The following THSD7A variants were observed in gnomAD, a reference collection of about 807,000 sequenced individuals.
THSD7A encodes the protein thrombospondin type-1 domain-containing protein 7A.
A neutral mutation model predicts 231.3 loss-of-function variants in THSD7A; 96 were observed. The observed-to-expected ratio is 0.41, with a 90% CI of 0.35 to 0.49. The LOEUF (loss-of-function observed/expected upper bound fraction) is 0.49. THSD7A is among the 20% of genes least tolerant of loss of function. The pLI, the probability that THSD7A is intolerant of heterozygous loss-of-function variation, is 0.05. For missense variants in THSD7A, 2,290 were observed against 2,070.2 expected (o/e 1.11, Z -2.06); for synonymous variants, 940 against 743.3 (o/e 1.26, Z -4.30).
At chr7:11,493,295 G>C (rs1024002627) in intron 6 of THSD7A, among the ~76,000 whole-genome samples, 1 of 152,020 alleles carries the variant, frequency 6.6e-6, no homozygotes, top group Non-Finnish European at 1.5e-5. Context: ...TTTGGGATGG[G>C]CCAAGATGGA....
chr7:11,401,871 G>A lies in THSD7A; in HGVS notation c.4335C>T (p.Ser1445=), dbSNP rs1342653882. The A allele has an allele frequency of 8.7e-6, 14 of 1,613,724 alleles. No individual in the cohort carries two copies. The highest frequency in any genetic ancestry group is 1.3e-5 in the African/African-American group (1 of 74,866). The change falls in exon 23 of 28, where the codon TCC becomes TCT. Residue 1445 remains serine, a synonymous_variant. Coordinates refer to ENST00000423059, the MANE Select transcript of THSD7A (RefSeq NM_015204.3). ...CTAGTTCTTGTATAATCACCGGTCT[G>A]GATCTGACCTGTATTCCACCAAAGC... ...DLGFGGIQVR[S]RPVIIQELEN...
intron 1 of THSD7A, among the ~76,000 whole-genome samples, chr7:11,718,913 A>G (rs1562500806): frequency 6.6e-6 from 1 of 151,638 alleles, no homozygotes; most frequent in Non-Finnish European, 1.5e-5. Context: ...TACTGTTGAA[A>G]TAGGGACAAT....
At chr7:11,487,925 A>G (rs1196613140) in intron 6 of THSD7A, among the ~76,000 whole-genome samples, 1 of 149,336 alleles carries the variant, frequency 6.7e-6, no homozygotes, top group Admixed American at 6.7e-5. Context: ...CTCTTGAGTT[A>G]TCCTGATTTT....
At chr7:11,471,320 A>G (rs1399057063) in intron 8 of THSD7A, among the ~76,000 whole-genome samples, 1 of 151,984 alleles carries the variant, frequency 6.6e-6, no homozygotes, top group Non-Finnish European at 1.5e-5. Context: ...AAAATACTCT[A>G]TATAAGAGAA....
chr7:11,588,802 A>G (rs1169975762), intron 4 of THSD7A, among the ~76,000 whole-genome samples: 2 of 152,226 alleles, frequency 1.3e-5, no homozygotes, highest in African/African-American at 2.4e-5. Flanking sequence ...TAAGAGTGTT[A>G]AAATGCAGCC....
chr7:11,742,739 T>C (rs180842816), intron 1 of THSD7A, among the ~76,000 whole-genome samples: 1 of 152,060 alleles, frequency 6.6e-6, no homozygotes, highest in East Asian at 1.9e-4. Context: ...CAGTGATTTA[T>C]CACCTTCACA....
intron 1 of THSD7A, among the ~76,000 whole-genome samples, chr7:11,679,099 A>G (rs1479128522): frequency 6.6e-6 from 1 of 152,206 alleles, no homozygotes; most frequent in Non-Finnish European, 1.5e-5. Flanking sequence ...GACAAAAACC[A>G]CATGATTATC....
chr7:11,788,495 T>C (rs1041731923), intron 1 of THSD7A, among the ~76,000 whole-genome samples: 1 of 152,066 alleles, frequency 6.6e-6, no homozygotes, highest in Non-Finnish European at 1.5e-5. Flanking sequence ...ATCTTGAAAA[T>C]GTCTTCCTTT....
intron 2 of THSD7A, among the ~76,000 whole-genome samples, chr7:11,616,351 C>A (rs79283976): frequency 6.6e-6 from 1 of 152,082 alleles, no homozygotes; most frequent in African/African-American, 2.4e-5. Flanking sequence ...CATCTTTGAC[C>A]TCTTCCTGTG....
At chr7:11,423,639 G>A (rs1352352951) in intron 16 of THSD7A, among the ~76,000 whole-genome samples, 1 of 152,038 alleles carries the variant, frequency 6.6e-6, no homozygotes, top group Non-Finnish European at 1.5e-5. Flanking sequence ...AAAGTGGTTG[G>A]ATGTTTTTAT....
intron 11 of THSD7A, among the ~76,000 whole-genome samples, chr7:11,452,740 G>A (rs554198339): frequency 3.3e-5 from 5 of 151,952 alleles, no homozygotes; most frequent in Non-Finnish European, 5.9e-5. Context: ...AATGGCAAAT[G>A]TTAATAAGCA....
chr7:11,766,372 G>A (rs1206757097), intron 1 of THSD7A, among the ~76,000 whole-genome samples: 1 of 152,090 alleles, frequency 6.6e-6, no homozygotes. Context: ...CTAGAATTTT[G>A]CAAAATGTAG....
chr7:11,468,899 AT>A (rs1785820726), intron 9 of THSD7A, among the ~76,000 whole-genome samples: 1 of 152,122 alleles, frequency 6.6e-6, no homozygotes, highest in South Asian at 2.1e-4. Context: ...GTTTAATTTT[AT>A]TGGATATTTC....
rs1413662591 is a variant in THSD7A, at chr7:11,379,535, GA to G, written c.4590+94del. 70 of 1,224,182 alleles carry G rather than the reference GA, an allele frequency of 5.7e-5. 1 individual carries two copies. The East Asian group carries it at 1.7e-3, about 29-fold the overall frequency. 75.8% of individuals were successfully genotyped at this position (1,224,182 alleles called of 1,614,324 possible). ...CTAAAATGGGATTTTTATGCCTCAAGACATGCTTTCTTTGGAGGAAGATAAA... is the reference window on the plus strand; with the variant it reads ...CTAAAATGGGATTTTTATGCCTCAAGCATGCTTTCTTTGGAGGAAGATAAA... On this transcript the variant is annotated intron_variant, in intron 25 of 27. Transcript: ENST00000423059.
At chr7:11,478,358 T>C (rs1342647161) in intron 7 of THSD7A, among the ~76,000 whole-genome samples, 1 of 152,118 alleles carries the variant, frequency 6.6e-6, no homozygotes, top group Non-Finnish European at 1.5e-5. Context: ...ATACAACCCA[T>C]GTGCCCCCTG....
chr7:11,703,453 T>C (rs756976858), intron 1 of THSD7A, among the ~76,000 whole-genome samples: 22 of 151,206 alleles, frequency 1.5e-4, no homozygotes, highest in Admixed American at 2.6e-4. Flanking sequence ...ATAGATCCAA[T>C]GTCATAGCTT....
chr7:11,621,874 T>C (rs563651675), intron 2 of THSD7A, among the ~76,000 whole-genome samples: 94 of 152,320 alleles, frequency 6.2e-4, no homozygotes, highest in African/African-American at 2.1e-3. Context: ...CAGATTTGTA[T>C]CAGATTTGTT....
chr7:11,808,798 T>A (rs918276528), intron 1 of THSD7A, among the ~76,000 whole-genome samples: 2 of 152,076 alleles, frequency 1.3e-5, no homozygotes, highest in Non-Finnish European at 2.9e-5. Flanking sequence ...TTTTAAGGAA[T>A]GCACCATAAG....
chr7:11,518,197 T>C (rs1411162384), intron 6 of THSD7A, among the ~76,000 whole-genome samples: 3 of 152,216 alleles, frequency 2.0e-5, no homozygotes, highest in Admixed American at 6.5e-5. Flanking sequence ...TATCTTACAG[T>C]TTAAATTGGA....
Sources: gnomAD v4.1 joint callset for allele counts (sites outside exome capture counted in the v4.1 genomes callset) on GRCh38, gnomAD v4.1.1 for gene constraint, MANE v1.5 for transcripts, NCBI Gene and HGNC (gene_info 2026-07-23, HGNC 2026-07-21) for gene names.